B3GAT1: variants seen among roughly 807,000 people sequenced by gnomAD.
The protein encoded by B3GAT1 is galactosylgalactosylxylosylprotein 3-beta-glucuronosyltransferase 1.
B3GAT1 carries 11 observed loss-of-function variants against 28.4 expected under a neutral mutation model. That is an observed-to-expected ratio of 0.39 (90% CI 0.24 to 0.64). The LOEUF is 0.64. Ranked by LOEUF, B3GAT1 falls within the 30% of genes least tolerant of loss-of-function variation. The pLI is 0.50. For synonymous variants in B3GAT1, 255 were observed against 223.1 expected (o/e 1.14, Z -1.27); for missense variants, 375 against 491.0 (o/e 0.76, Z 2.23).
At chr11:134,401,303 A>G (rs1462930880) in intron 1 of B3GAT1, among the ~76,000 whole-genome samples, 1 of 152,250 alleles carries the variant, frequency 6.6e-6, no homozygotes, top group Non-Finnish European at 1.5e-5. Flanking sequence ...AGCACTATTC[A>G]TAACAGGGAA....
intron 1 of B3GAT1, among the ~76,000 whole-genome samples, chr11:134,404,834 G>A (rs1944697540): frequency 1.3e-5 from 2 of 152,234 alleles, no homozygotes; most frequent in Non-Finnish European, 2.9e-5. Context: ...AGTTAGGAGA[G>A]TAATACTTCA....
intron 1 of B3GAT1, among the ~76,000 whole-genome samples, chr11:134,405,596 C>G (rs1172254206): frequency 6.6e-6 from 1 of 152,090 alleles, no homozygotes; most frequent in Non-Finnish European, 1.5e-5. Flanking sequence ...CCCTGGGAGT[C>G]TCAGCGTTGC....
chr11:134,409,713 A>T (rs976436311), intron 1 of B3GAT1: 16 of 152,398 alleles, frequency 1.0e-4, no homozygotes, highest in African/African-American at 3.8e-4. Context: ...CTCACCACTC[A>T]GTCAGGGAGG....
At chr11:134,396,297 G>T (rs758188066) in intron 1 of B3GAT1, among the ~76,000 whole-genome samples, 76 of 152,062 alleles carry the variant, frequency 5.0e-4, no homozygotes, top group Middle Eastern at 3.4e-3. Context: ...AAGGCAGATG[G>T]GCCATGTCTG....
At chr11:134,403,957 A>T (rs1944669623) in intron 1 of B3GAT1, among the ~76,000 whole-genome samples, 1 of 134,634 alleles carries the variant, frequency 7.4e-6, no homozygotes, top group African/African-American at 2.8e-5. Flanking sequence ...AATGGGAGTC[A>T]TTTAACGGGT....
chr11:134,379,120 G>T lies in B3GAT1; in HGVS notation c.*1642C>A, dbSNP rs1344105097. The stretch of plus-strand genomic sequence containing the variant: ...GAAAACGTCCTGCAAGGTGGCTCAG[G>T]GATCTGATTCCATCAGATGGTCTCA... On this transcript the variant is annotated 3_prime_UTR_variant, in exon 6 of 6. Coordinates refer to ENST00000312527, the MANE Select transcript of B3GAT1 (RefSeq NM_054025.3). 6.6e-6 allele frequency: 1 copy of T among 152,154 alleles called. No individual in the cohort carries two copies. The highest frequency in any genetic ancestry group is 2.4e-5 in the African/African-American group (1 of 41,414). 9.4% of individuals were successfully genotyped at this position (152,154 alleles called of 1,614,324 possible).
chr11:134,384,340 A>G lies in B3GAT1; in HGVS notation c.113-152T>C, dbSNP rs573063726. ...CCGCCTTGCCTGACCTGTTAGCTCT[A>G]AGGTTGAAATCTGCAGCCCTGGAAT... On this transcript the variant is annotated intron_variant, in intron 2 of 5. Transcript: ENST00000312527. 1.9e-5 allele frequency: 20 copies of G among 1,045,354 alleles called. No individual in the cohort carries two copies. The African/African-American group carries it at 3.2e-4, about 17-fold the overall frequency. 64.8% of individuals were successfully genotyped at this position (1,045,354 alleles called of 1,614,324 possible). A position where few individuals can be genotyped will look rare whatever the true frequency, so the allele number is the denominator to read the frequency against.
intron 1 of B3GAT1, chr11:134,391,814 A>T (rs953533875): frequency 5.2e-5 from 8 of 152,452 alleles, no homozygotes; most frequent in African/African-American, 1.9e-4. Context: ...CGGCAAGTAG[A>T]GACACAAAAG....
chr11:134,397,289 G>A (rs749792938), intron 1 of B3GAT1, among the ~76,000 whole-genome samples: 7 of 152,004 alleles, frequency 4.6e-5, no homozygotes, highest in African/African-American at 7.3e-5. Context: ...CCCAGCCTGC[G>A]ACCTGCTCAG....
At chr11:134,381,135 A>G (rs1292097282) in intron 5 of B3GAT1, among the ~76,000 whole-genome samples, 1 of 152,180 alleles carries the variant, frequency 6.6e-6, no homozygotes, top group Non-Finnish European at 1.5e-5. Flanking sequence ...ACAGGATAAG[A>G]TCACAGAAAA....
intron 1 of B3GAT1, among the ~76,000 whole-genome samples, chr11:134,408,844 CTATTCCA>C (rs2136343436): frequency 8.2e-6 from 1 of 121,778 alleles, no homozygotes; most frequent in African/African-American, 3.7e-5. Flanking sequence ...CAGCCTGCAC[CTATTCCA>C]GTGGGGTGAG....
intron 2 of B3GAT1, chr11:134,384,543 A>T (rs1944228612): frequency 3.6e-6 from 1 of 280,196 alleles, no homozygotes; most frequent in Non-Finnish European, 6.7e-6. Context: ...AGCCCTACTC[A>T]TCTGGAGGGA....
intron 1 of B3GAT1, among the ~76,000 whole-genome samples, chr11:134,399,370 C>A (rs2136329155): frequency 6.6e-6 from 1 of 152,358 alleles, no homozygotes; most frequent in South Asian, 2.1e-4. Context: ...AATGTATGCA[C>A]CCTAGGAGAG....
At chr11:134,396,777 T>C (rs1424134194) in intron 1 of B3GAT1, among the ~76,000 whole-genome samples, 2 of 152,140 alleles carry the variant, frequency 1.3e-5, no homozygotes, top group African/African-American at 4.8e-5. Flanking sequence ...CCGGGCTGCT[T>C]GCTGGAGGGC....
chr11:134,403,986 TATATA>T (rs1944672907), intron 1 of B3GAT1, among the ~76,000 whole-genome samples: 1 of 18,622 alleles, frequency 5.4e-5, no homozygotes, highest in African/African-American at 2.1e-4. Context: ...TCTTTCTTTA[TATATA>T]TATATATATA....
chr11:134,380,167 G>A lies in B3GAT1; in HGVS notation c.*595C>T, dbSNP rs1944092253. On this transcript the variant is annotated 3_prime_UTR_variant, in exon 6 of 6. Transcript: ENST00000312527. Reference sequence around the variant, plus strand: ...GGGATCCAAGACAGCCTTATGCTCTGTAAACGTGAACCAGAGGAGAGCCAC... The same window carrying A: ...GGGATCCAAGACAGCCTTATGCTCTATAAACGTGAACCAGAGGAGAGCCAC... The A allele has an allele frequency of 6.6e-6, 1 of 152,338 alleles. No homozygotes were observed. Among genetic ancestry groups the A allele is most frequent in the South Asian group, 2.1e-4 (1 of 4,826 alleles). 9.4% of individuals were successfully genotyped at this position (152,338 alleles called of 1,614,324 possible). A position where few individuals can be genotyped will look rare whatever the true frequency, so the allele number is the denominator to read the frequency against.
Position 134,383,896 on chromosome 11 carries a change from G to C in B3GAT1, c.405C>G (p.Arg135=), listed in dbSNP as rs1240946974. The C allele has an allele frequency of 1.9e-6, 3 of 1,595,266 alleles. No homozygotes were observed. Among genetic ancestry groups the C allele is most frequent in the Admixed American group, 1.7e-5 (1 of 59,262 alleles). The change falls in exon 3 of 6, where the codon CGC becomes CGG. Residue 135 remains arginine, a synonymous_variant. Coordinates refer to ENST00000312527, the MANE Select transcript of B3GAT1 (RefSeq NM_054025.3). ...RRTPLTARLL[R]DTGLNYTHLH... is the part of the protein sequence containing the mutation. ...GGTGCGTGTAGTTGAGGCCGGTGTC[G>C]CGCAGCAGGCGCGCGGTCAGCGGCG...
At chr11:134,404,036 A>AT (rs1944681586) in intron 1 of B3GAT1, among the ~76,000 whole-genome samples, 2 of 103,190 alleles carry the variant, frequency 1.9e-5, no homozygotes, top group African/African-American at 7.9e-5. Context: ...TATATTTATT[A>AT]TACGTTAAGT....
Position 134,393,299 on chromosome 11 carries a change from T to C in B3GAT1, c.-281-5359A>G, listed in dbSNP as rs1377123078. On this transcript the variant is annotated intron_variant, in intron 1 of 5. Coordinates refer to ENST00000312527, the MANE Select transcript of B3GAT1 (RefSeq NM_054025.3). The surrounding 1 kb of genome is among the most constrained non-coding windows in gnomAD (Gnocchi z 4.0). Reference sequence around the variant, plus strand: ...GCAGAGCCAGTTGTCCCATAGATGATGTTTCCCCAGGACTGCACAATGCAT... The same window carrying C: ...GCAGAGCCAGTTGTCCCATAGATGACGTTTCCCCAGGACTGCACAATGCAT... Among the ~76,000 whole-genome samples the C allele has an allele frequency of 6.6e-6, 1 of 152,224 alleles. No individual in the cohort carries two copies. Among genetic ancestry groups the C allele is most frequent in the African/African-American group, 2.4e-5 (1 of 41,460 alleles).
Sources: gnomAD v4.1 joint callset for allele counts (sites outside exome capture counted in the v4.1 genomes callset) on GRCh38, gnomAD v4.1.1 for gene constraint, Gnocchi (gnomAD v3.1) non-coding constraint, MANE v1.5 for transcripts, NCBI Gene and HGNC (gene_info 2026-07-23, HGNC 2026-07-21) for gene names.